The following XPO7 variants were observed in gnomAD, a reference collection of about 807,000 sequenced individuals.
XPO7 encodes the protein exportin 7.
Under a neutral mutation model 144.3 loss-of-function variants are expected in XPO7, and 21 were observed. The observed-to-expected ratio is 0.15, with a 90% CI of 0.10 to 0.21. The LOEUF (loss-of-function observed/expected upper bound fraction) is 0.21. Among genes scored for constraint, XPO7 ranks in the 10% least tolerant of loss-of-function variants. The pLI is 1.00. For missense variants in XPO7, 808 were observed against 1,325.8 expected (o/e 0.61, Z 6.06); for synonymous variants, 580 against 499.6 (o/e 1.16, Z -2.15).
intron 11 of XPO7, 60 bp downstream of exon 11, chr8:21,982,872 G>C: frequency 2.6e-6 from 4 of 1,522,156 alleles, no homozygotes; most frequent in Non-Finnish European, 3.5e-6. Context: ...ACTTCCTAGA[G>C]ATCAGACACC....
intron 24 of XPO7, among the ~76,000 whole-genome samples, chr8:22,001,784 C>T (rs1817872796): frequency 6.6e-6 from 1 of 152,188 alleles, no homozygotes; most frequent in Non-Finnish European, 1.5e-5. Context: ...GAGATAACAC[C>T]TATAAAGTAC....
At chr8:21,954,086 C>T (rs1433044092) in intron 1 of XPO7, among the ~76,000 whole-genome samples, 1 of 152,150 alleles carries the variant, frequency 6.6e-6, no homozygotes, top group African/African-American at 2.4e-5. Flanking sequence ...ATGTATTTGG[C>T]TAGCCTGATA....
At chr8:21,952,917 T>A (rs1346350708) in intron 1 of XPO7, among the ~76,000 whole-genome samples, 1 of 152,182 alleles carries the variant, frequency 6.6e-6, no homozygotes, top group Admixed American at 6.5e-5. Flanking sequence ...ACTGGCAAAT[T>A]AGATGTTTTT....
chr8:21,982,864 T>C, intron 11 of XPO7, 52 bp downstream of exon 11: 1 of 1,533,664 alleles, frequency 6.5e-7, no homozygotes, highest in Non-Finnish European at 8.7e-7. Flanking sequence ...GTTGTCACAC[T>C]TCCTAGAGAT....
intron 1 of XPO7, among the ~76,000 whole-genome samples, chr8:21,935,434 A>G (rs1427067634): frequency 6.6e-6 from 1 of 152,254 alleles, no homozygotes; most frequent in African/African-American, 2.4e-5. Flanking sequence ...AGTCCTACAA[A>G]TAGTGAGAGT....
At chr8:21,940,613 T>C (rs1224976600) in intron 1 of XPO7, among the ~76,000 whole-genome samples, 1 of 151,776 alleles carries the variant, frequency 6.6e-6, no homozygotes, top group African/African-American at 2.4e-5. Context: ...GAATTACAGG[T>C]GCATGCCACC....
At chr8:21,920,084 C>G (rs4379446) in intron 1 of XPO7, among the ~76,000 whole-genome samples, 85,170 of 151,034 alleles carry the variant, frequency 0.56, 24,564 homozygotes, top group African/African-American at 0.69. Flanking sequence ...CTGTCTTCGT[C>G]CCCGGGGGAG....
Position 21,999,222 on chromosome 8 carries a change from C to A in XPO7, c.2560C>A (p.Arg854Ser). 1 of 1,613,944 alleles carries A rather than the reference C, an allele frequency of 6.2e-7. No homozygotes were observed. The highest frequency in any genetic ancestry group is 2.2e-5 in the East Asian group (1 of 44,874). ...SGSYVNFGVF[R>S]LYGDDALDNA... is the part of the protein sequence containing the mutation. The stretch of plus-strand genomic sequence containing the variant: ...GAGTTACGTCAATTTCGGAGTCTTT[C>A]GTCTCTATGGAGACGATGCCCTGGA... The change falls in exon 23 of 28, where the codon CGT (arginine) becomes AGT (serine). Residue 854 changes from arginine to serine, a missense_variant. By Grantham distance (110) the Arg-to-Ser change is moderately radical. This residue lies in a region of XPO7 where 416 missense variants were observed against 612.5 expected (regional missense o/e 0.68). Transcript: ENST00000252512.
Position 21,987,967 on chromosome 8 carries a change from T to A in XPO7, c.1787+110T>A, listed in dbSNP as rs888576126. On this transcript the variant is annotated intron_variant, in intron 15 of 27. Coordinates refer to ENST00000252512, the MANE Select transcript of XPO7 (RefSeq NM_015024.5). ...TGCCTGGTATTCCAGCATTGATCGT[T>A]TGCGTCAGAAAATTGTGCATTTGAG... 1.2e-5 allele frequency: 14 copies of A among 1,195,482 alleles called. No individual in the cohort carries two copies. The Admixed American group carries it at 1.2e-4, about 10-fold the overall frequency. The allele number at this position is 1,195,482 out of a possible 1,614,324, so 74.1% of individuals were successfully genotyped here.
At chr8:21,997,274 C>T (rs958542267) in intron 21 of XPO7, among the ~76,000 whole-genome samples, 1 of 152,164 alleles carries the variant, frequency 6.6e-6, no homozygotes, top group Admixed American at 6.5e-5. Context: ...AATCTCTACC[C>T]TCTTTGATGT....
intron 1 of XPO7, among the ~76,000 whole-genome samples, chr8:21,933,785 T>C (rs1350789991): frequency 3.9e-5 from 6 of 152,314 alleles, no homozygotes; most frequent in Non-Finnish European, 5.9e-5. Flanking sequence ...GTAACTGTTA[T>C]CAGGTTAATG....
At position 22,005,942 on chromosome 8, in the gene XPO7, C is replaced by T. The variant is rs1398216219; in HGVS notation, c.*854C>T. On this transcript the variant is annotated 3_prime_UTR_variant, in exon 28 of 28. Coordinates refer to ENST00000252512, the MANE Select transcript of XPO7 (RefSeq NM_015024.5). ...GGATTTAACGACGTGTTGTAGGGTT[C>T]TTGGTCTGTGTGAAGGCAGAGACCA... The T allele has an allele frequency of 6.6e-6, 1 of 152,212 alleles. No individual in the cohort carries two copies. Among genetic ancestry groups the T allele is most frequent in the African/African-American group, 2.4e-5 (1 of 41,444 alleles). The allele number at this position is 152,212 out of a possible 1,614,324, so 9.4% of individuals were successfully genotyped here. A position where few individuals can be genotyped will look rare whatever the true frequency, so the allele number is the denominator to read the frequency against.
At chr8:21,998,578 A>G (rs985887913) in intron 21 of XPO7, among the ~76,000 whole-genome samples, 177 bp from the exon 22 acceptor site, 4 of 152,194 alleles carry the variant, frequency 2.6e-5, no homozygotes, top group African/African-American at 9.7e-5. Context: ...GGTCTTCAAT[A>G]TAGAAGCTAC....
chr8:21,998,830 A>C lies in XPO7; in HGVS notation c.2421A>C (p.Thr807=). 1 of 1,613,894 alleles carries C rather than the reference A, an allele frequency of 6.2e-7. No individual in the cohort carries two copies. The highest frequency in any genetic ancestry group is 8.5e-7 in the Non-Finnish European group (1 of 1,179,820). ...LLFRETSKMI[T]MYGNRILTLG... is the part of the protein sequence containing the mutation. ...TCCGAGAAACCAGCAAGATGATAAC[A>C]ATGTATGGTAAGTGCTTCAGATAAT... The change falls in exon 22 of 28, where the codon ACA becomes ACC. Residue 807 remains threonine (T), a synonymous_variant. Transcript: ENST00000252512.
chr8:21,938,481 C>G (rs191419303), intron 1 of XPO7, among the ~76,000 whole-genome samples: 46 of 152,234 alleles, frequency 3.0e-4, no homozygotes, highest in Admixed American at 1.7e-3. Context: ...TGCTGGTATG[C>G]CATGTGATGA....
At chr8:21,931,688 G>A (rs1585416969) in intron 1 of XPO7, among the ~76,000 whole-genome samples, 1 of 152,124 alleles carries the variant, frequency 6.6e-6, no homozygotes, top group Admixed American at 6.6e-5. Flanking sequence ...GACTGCTCTG[G>A]CTGCCAATAC....
At chr8:21,977,056 A>G (rs878872) in intron 7 of XPO7, among the ~76,000 whole-genome samples, 54,320 of 152,194 alleles carry the variant, frequency 0.36, 10,298 homozygotes, top group Non-Finnish European at 0.43. Flanking sequence ...AATAATAGAT[A>G]TGTATTTCAC....
At position 22,002,119 on chromosome 8, in the gene XPO7, G is replaced by A; in HGVS notation, c.2790G>A (p.Met930Ile). 1 of 1,609,110 alleles carries A rather than the reference G, an allele frequency of 6.2e-7. No individual in the cohort carries two copies. The highest frequency in any genetic ancestry group is 8.5e-7 in the Non-Finnish European group (1 of 1,177,684). Reference protein sequence around the residue: ...ISEGLTALDTMVCTGCCSCLD... With the variant: ...ISEGLTALDTIVCTGCCSCLD... ...TGCCTTTCTTTCTTGCAGACACCAT[G>A]GTATGCACAGGCTGCTGCTCCTGCC... Residue 930 changes from methionine to isoleucine, a missense_variant, in exon 25 of 28, where the codon ATG becomes ATA. Physicochemically the swap from Met to Ile is conservative, Grantham distance 10. Transcript: ENST00000252512.
intron 1 of XPO7, among the ~76,000 whole-genome samples, chr8:21,946,581 A>AC (rs140285911): frequency 1.3e-5 from 1 of 75,490 alleles, no homozygotes; most frequent in Non-Finnish European, 2.4e-5. Flanking sequence ...ACTGAAAAAA[A>AC]AAAACAAAAA....
Sources: allele counts gnomAD v4.1 joint callset (sites outside exome capture counted in the v4.1 genomes callset), GRCh38; gene constraint gnomAD v4.1.1; regional missense constraint gnomAD v4.1.1; transcripts MANE v1.5; gene names NCBI Gene and HGNC (gene_info 2026-07-23, HGNC 2026-07-21).